AKAP6: variants seen among roughly 807,000 people sequenced by gnomAD.
The protein encoded by AKAP6 is A-kinase anchor protein 6.
Under a neutral mutation model 188.5 loss-of-function variants are expected in AKAP6, and 58 were observed. That is an observed-to-expected ratio of 0.31 (90% CI 0.25 to 0.38). The LOEUF (loss-of-function observed/expected upper bound fraction) is 0.38. Ranked by LOEUF, AKAP6 falls within the 10% of genes least tolerant of loss-of-function variation. AKAP6 has a pLI of 1.00. For synonymous variants in AKAP6, 989 were observed against 998.6 expected, an observed-to-expected ratio of 0.99 and a Z score of 0.18; for missense variants, 2,710 against 2,740.0, an observed-to-expected ratio of 0.99 and a Z score of 0.24.
intron 6 of AKAP6, 93 bp downstream of exon 6, chr14:32,599,599 TTATG>T: frequency 1.2e-6 from 1 of 850,452 alleles, no homozygotes; most frequent in Non-Finnish European, 1.8e-6. Flanking sequence ...ATTCACTTCC[TTATG>T]TATTATTAAT....
At chr14:32,437,814 G>A (rs184375522) in intron 2 of AKAP6, among the ~76,000 whole-genome samples, 1 of 152,240 alleles carries the variant, frequency 6.6e-6, no homozygotes, top group East Asian at 1.9e-4. Context: ...TGCCCAGGCT[G>A]GTCTTGAACT....
At chr14:32,513,120 T>G (rs1243798343) in intron 2 of AKAP6, among the ~76,000 whole-genome samples, 1 of 152,152 alleles carries the variant, frequency 6.6e-6, no homozygotes, top group East Asian at 1.9e-4. Flanking sequence ...GTAAACAAGA[T>G]CTTGCTTTGT....
At position 32,831,569 on chromosome 14, in the gene AKAP6, C is replaced by T. The variant is rs542230847; in HGVS notation, c.*1764C>T. 4 of 152,286 alleles carry T rather than the reference C, an allele frequency of 2.6e-5. No individual in the cohort carries two copies. In the East Asian group the frequency reaches 5.8e-4, roughly 22 times the overall value. The allele number at this position is 152,286 out of a possible 1,614,324, so 9.4% of individuals were successfully genotyped here. On this transcript the variant is annotated 3_prime_UTR_variant, in exon 14 of 14. Transcript: ENST00000280979. ...TTATCTGCAAGGCACTATTCTAGAT[C>T]CAGAAGATGCAATGTTGAACAAACA...
chr14:32,563,072 T>A (rs1341127776), intron 4 of AKAP6, among the ~76,000 whole-genome samples: 1 of 152,126 alleles, frequency 6.6e-6, no homozygotes, highest in African/African-American at 2.4e-5. Flanking sequence ...TTGCTCATGG[T>A]ACCAAAAGGA....
At chr14:32,380,560 G>C (rs1307160435) in intron 1 of AKAP6, among the ~76,000 whole-genome samples, 1 of 152,154 alleles carries the variant, frequency 6.6e-6, no homozygotes, top group Non-Finnish European at 1.5e-5. Context: ...ATCAAAGTCG[G>C]TGGTTCAGAC....
At chr14:32,744,062 T>G (rs8018377) in intron 11 of AKAP6, among the ~76,000 whole-genome samples, 77,589 of 151,890 alleles carry the variant, frequency 0.51, 20,021 homozygotes, top group South Asian at 0.71. Context: ...CTATTCTAGG[T>G]TAAAAAGTTT....
intron 12 of AKAP6, among the ~76,000 whole-genome samples, chr14:32,795,917 A>T (rs916602020): frequency 6.6e-6 from 1 of 152,238 alleles, no homozygotes; most frequent in Non-Finnish European, 1.5e-5. Context: ...CCATAAACTG[A>T]TAAGCAATTT....
At chr14:32,799,293 T>G (rs188223903) in intron 12 of AKAP6, among the ~76,000 whole-genome samples, 17 of 152,318 alleles carry the variant, frequency 1.1e-4, no homozygotes, top group Non-Finnish European at 2.2e-4. Flanking sequence ...GCTGTTTCCT[T>G]GTTTTCCATT....
chr14:32,650,790 A>T (rs182232622), intron 7 of AKAP6, among the ~76,000 whole-genome samples: 1 of 152,098 alleles, frequency 6.6e-6, no homozygotes, highest in Non-Finnish European at 1.5e-5. Flanking sequence ...TACCTAGACT[A>T]TGCATAGATT....
chr14:32,490,632 G>GT (rs1289058603), intron 2 of AKAP6, among the ~76,000 whole-genome samples: 1 of 152,054 alleles, frequency 6.6e-6, no homozygotes, highest in Non-Finnish European at 1.5e-5. Context: ...CTGAGCTCCA[G>GT]TTTTTGTCCC....
chr14:32,474,523 T>C (rs941751), intron 2 of AKAP6: 97,809 of 152,194 alleles, frequency 0.64, 32,036 homozygotes, highest in South Asian at 0.87. Flanking sequence ...CGAGTACCAT[T>C]CTTAGAATTC....
chr14:32,697,429 T>C (rs1890449696), intron 9 of AKAP6, among the ~76,000 whole-genome samples: 1 of 152,194 alleles, frequency 6.6e-6, no homozygotes, highest in African/African-American at 2.4e-5. Context: ...TAACATATTG[T>C]TACAGTAACA....
At position 32,546,642 on chromosome 14, in the gene AKAP6, C is replaced by G; in HGVS notation, c.1989C>G (p.Ile663Met). 6.2e-7 allele frequency: 1 copy of G among 1,614,110 alleles called. No individual in the cohort carries two copies. Among genetic ancestry groups the G allele is most frequent in the Non-Finnish European group, 8.5e-7 (1 of 1,180,006 alleles). ...CTCAGAAACCCAGAGGAGAAACCAT[C>G]CAGAATATTGATGACTGGGAACTGT... The part of the protein sequence containing the change: ...LLPQKPRGET[I>M]QNIDDWELSE... The change falls in exon 4 of 14, where the codon ATC (isoleucine) becomes ATG (methionine). Residue 663 changes from isoleucine (I) to methionine (M), a missense_variant. Ile to Met is a conservative substitution (Grantham distance 10). This residue lies in a region of AKAP6 where 2,473 missense variants were observed against 2,426.1 expected (regional missense o/e 1.02). Coordinates refer to ENST00000280979, the MANE Select transcript of AKAP6 (RefSeq NM_004274.5).
intron 2 of AKAP6, among the ~76,000 whole-genome samples, chr14:32,471,336 A>G (rs929390701): frequency 1.3e-5 from 2 of 152,192 alleles, no homozygotes; most frequent in South Asian, 2.1e-4. Context: ...CTAGTGTTTC[A>G]TAGTCACACA....
At chr14:32,486,625 G>T (rs1474324417) in intron 2 of AKAP6, among the ~76,000 whole-genome samples, 13 of 152,092 alleles carry the variant, frequency 8.5e-5, no homozygotes, top group Admixed American at 8.5e-4. Flanking sequence ...TTTGTCTGTT[G>T]TTGTTGTATA....
intron 2 of AKAP6, among the ~76,000 whole-genome samples, chr14:32,450,336 G>A (rs1018936703): frequency 6.6e-6 from 1 of 152,062 alleles, no homozygotes; most frequent in Non-Finnish European, 1.5e-5. Context: ...GAGAGAGAGA[G>A]AGAGAGGGAG....
At position 32,545,718 on chromosome 14, in the gene AKAP6, T is replaced by G; in HGVS notation, c.1065T>G (p.Asp355Glu). Residue 355 changes from aspartate (D) to glutamate (E), a missense_variant, in exon 4 of 14, where the codon GAT becomes GAG. By Grantham distance (45) the Asp-to-Glu change is conservative. Coordinates refer to ENST00000280979, the MANE Select transcript of AKAP6 (RefSeq NM_004274.5). Reference protein sequence around the residue: ...QQESSSSSHHDAKNQQPVPCE... With the variant: ...QQESSSSSHHEAKNQQPVPCE... Reference sequence around the variant, plus strand: ...AATCCAGTTCCTCCTCCCATCATGATGCAAAGAATCAGCAGCCTGTTCCTT... The same window carrying G: ...AATCCAGTTCCTCCTCCCATCATGAGGCAAAGAATCAGCAGCCTGTTCCTT... The G allele has an allele frequency of 6.2e-7, 1 of 1,614,188 alleles. No individual in the cohort carries two copies. Among genetic ancestry groups the G allele is most frequent in the Non-Finnish European group, 8.5e-7 (1 of 1,180,016 alleles).
rs554652388 is a variant in AKAP6, at chr14:32,683,245, C to T, written c.2879+4786C>T. ...CTAACCTCAAGTGATTCACCCACCT[C>T]AGCTCTCCAAAGTGCTGAGATTACA... is the stretch of plus-strand genomic sequence containing the variant. On this transcript the variant is annotated intron_variant, in intron 8 of 13. Coordinates refer to ENST00000280979, the MANE Select transcript of AKAP6 (RefSeq NM_004274.5). 2.8e-4 allele frequency among the ~76,000 whole-genome samples: 42 copies of T among 152,214 alleles called. No homozygotes were observed. The South Asian group carries it at 7.5e-3, about 27-fold the overall frequency.
At chr14:32,772,836 T>TG (rs1299985426) in intron 11 of AKAP6, among the ~76,000 whole-genome samples, 2 of 152,218 alleles carry the variant, frequency 1.3e-5, no homozygotes, top group Non-Finnish European at 2.9e-5. Flanking sequence ...GTGATGTTTG[T>TG]GGATATAATC....
Sources: gnomAD v4.1 joint callset for allele counts (sites outside exome capture counted in the v4.1 genomes callset) on GRCh38, gnomAD v4.1.1 for gene constraint, gnomAD v4.1.1 regional missense constraint, MANE v1.5 for transcripts, NCBI Gene and HGNC (gene_info 2026-07-23, HGNC 2026-07-21) for gene names.